The following LOC128706665 variants were observed in gnomAD, a reference collection of about 807,000 sequenced individuals.
chr20:10,415,701 CCACA>C, the LOC128706665 span, among the ~76,000 whole-genome samples: 11 of 152,302 alleles, frequency 7.2e-5, no homozygotes, highest in East Asian at 1.9e-3. Flanking sequence ...CATACACACC[CCACA>C]ATAAAAACTA....
the LOC128706665 span, among the ~76,000 whole-genome samples, chr20:10,430,989 C>A: frequency 6.6e-6 from 1 of 152,146 alleles, no homozygotes; most frequent in Non-Finnish European, 1.5e-5. Flanking sequence ...TAGTTATGGT[C>A]TTGGACAAAT....
the LOC128706665 span, among the ~76,000 whole-genome samples, chr20:10,415,949 T>C: frequency 4.2e-3 from 635 of 152,088 alleles, 5 homozygotes; most frequent in African/African-American, 0.014. Context: ...GTCACAGGTC[T>C]AGACCTGAAC....
the LOC128706665 span, among the ~76,000 whole-genome samples, chr20:10,423,213 C>T: frequency 1.3e-5 from 2 of 151,944 alleles, no homozygotes; most frequent in South Asian, 4.2e-4. Context: ...CTGAGGTGGG[C>T]GGATCACTTG....
chr20:10,422,768 GTGGTGCGA>G, the LOC128706665 span, among the ~76,000 whole-genome samples: 45 of 150,422 alleles, frequency 3.0e-4, no homozygotes, highest in African/African-American at 1.0e-3. Context: ...CTGTAGTGCA[GTGGTGCGA>G]TCTCAGCTCA....
the LOC128706665 span, chr20:10,413,979 T>A: frequency 5.0e-6 from 2 of 400,840 alleles, no homozygotes; most frequent in Non-Finnish European, 8.8e-6. Flanking sequence ...TCCCAAGCAG[T>A]TTGTAGACTG....
At chr20:10,418,679 A>T in the LOC128706665 span, among the ~76,000 whole-genome samples, 1 of 152,112 alleles carries the variant, frequency 6.6e-6, no homozygotes, top group Non-Finnish European at 1.5e-5. Flanking sequence ...TTTTCCTCCA[A>T]GAGTATTTCT....
chr20:10,424,574 T>A, the LOC128706665 span, among the ~76,000 whole-genome samples: 9 of 152,148 alleles, frequency 5.9e-5, no homozygotes, highest in African/African-American at 2.2e-4. Context: ...AGCTCATTGC[T>A]AGTTTTACAA....
chr20:10,430,155 A>T, the LOC128706665 span, among the ~76,000 whole-genome samples: 1 of 152,374 alleles, frequency 6.6e-6, no homozygotes, highest in South Asian at 2.1e-4. Flanking sequence ...AGAAAAATCC[A>T]CTAGGATCTA....
At chr20:10,432,155 G>C in the LOC128706665 span, among the ~76,000 whole-genome samples, 1 of 152,224 alleles carries the variant, frequency 6.6e-6, no homozygotes, top group Non-Finnish European at 1.5e-5. Context: ...GATCAATCAA[G>C]GGGTATAAAA....
At chr20:10,425,741 A>G in the LOC128706665 span, among the ~76,000 whole-genome samples, 1 of 152,240 alleles carries the variant, frequency 6.6e-6, no homozygotes, top group Admixed American at 6.5e-5. Flanking sequence ...AAAATAAGTT[A>G]GTGTTTGATG....
At chr20:10,428,765 G>T in the LOC128706665 span, among the ~76,000 whole-genome samples, 158 of 152,286 alleles carry the variant, frequency 1.0e-3, 1 homozygote, top group African/African-American at 3.6e-3. Flanking sequence ...CTTGAATCCA[G>T]GAGGCAGAGG....
chr20:10,427,041 C>G, the LOC128706665 span, among the ~76,000 whole-genome samples: 884 of 51,102 alleles, frequency 0.017, 15 homozygotes, highest in African/African-American at 0.038. Flanking sequence ...CACACACACA[C>G]ACACACACAC....
the LOC128706665 span, among the ~76,000 whole-genome samples, chr20:10,423,146 A>G: frequency 6.6e-6 from 1 of 152,184 alleles, no homozygotes; most frequent in African/African-American, 2.4e-5. Context: ...GCTTATAAAA[A>G]GAGATTAGGG....
the LOC128706665 span, among the ~76,000 whole-genome samples, chr20:10,427,570 A>G: frequency 6.6e-6 from 1 of 152,204 alleles, no homozygotes; most frequent in Non-Finnish European, 1.5e-5. Context: ...ATCAACATTC[A>G]AAAGTTATTT....
chr20:10,414,057 G>A, the LOC128706665 span: 1 of 373,478 alleles, frequency 2.7e-6, no homozygotes, highest in Non-Finnish European at 4.7e-6. Context: ...TGGCACAAAC[G>A]TCCAGAAAAT....
At chr20:10,434,205 C>A in the LOC128706665 span, 1 of 152,294 alleles carries the variant, frequency 6.6e-6, no homozygotes, top group Non-Finnish European at 1.5e-5. Flanking sequence ...CGACAACCTT[C>A]GCGTCGCGCG....
At chr20:10,418,227 G>A in the LOC128706665 span, among the ~76,000 whole-genome samples, 3 of 152,290 alleles carry the variant, frequency 2.0e-5, no homozygotes, top group South Asian at 6.2e-4. Flanking sequence ...AAAAACAGAG[G>A]AAAAGATGGA....
chr20:10,423,038 A>G, the LOC128706665 span, among the ~76,000 whole-genome samples: 2 of 152,032 alleles, frequency 1.3e-5, no homozygotes, highest in Non-Finnish European at 2.9e-5. Context: ...TTTAAGAGCC[A>G]TTTCTGCCAT....
At chr20:10,419,486 C>T in the LOC128706665 span, among the ~76,000 whole-genome samples, 1 of 152,066 alleles carries the variant, frequency 6.6e-6, no homozygotes, top group Admixed American at 6.6e-5. Context: ...AGTGACCTCC[C>T]CCATTTATCT....
Sources: gnomAD v4.1 joint callset for allele counts (sites outside exome capture counted in the v4.1 genomes callset) on GRCh38, gnomAD v4.1.1 for gene constraint, MANE v1.5 for transcripts.